Variants in DIP2B observed in about 807,000 individuals in gnomAD.
DIP2B encodes DIP2 acetate--CoA ligase B (putative).
Under a neutral mutation model 198.0 loss-of-function variants are expected in DIP2B, and 76 were observed. The observed-to-expected ratio is 0.38, with a 90% CI of 0.32 to 0.46. The LOEUF (loss-of-function observed/expected upper bound fraction) is 0.46. Among genes scored for constraint, DIP2B ranks in the 20% least tolerant of loss-of-function variants. The pLI is 0.99. For synonymous variants in DIP2B, 701 were observed against 739.1 expected (o/e 0.95, Z 0.84); for missense variants, 1,559 against 1,978.4 (o/e 0.79, Z 4.02).
Position 50,734,153 on chromosome 12 carries a change from C to G in DIP2B, c.4000C>G (p.Pro1334Ala). ...TCTTTAGGGAACCTCAGGGCCTGAT[C>G]CGACTACTGTGTATGTGGATCTGAA... The part of the protein sequence containing the change: ...ICLQGTSGPD[P>A]TTVYVDLKSL... Residue 1334 changes from proline to alanine, a missense_variant, in exon 33 of 38, where the codon CCG becomes GCG. Coordinates refer to ENST00000301180, the MANE Select transcript of DIP2B (RefSeq NM_173602.3). The G allele has an allele frequency of 6.2e-7, 1 of 1,614,156 alleles. No homozygotes were observed. Among genetic ancestry groups the G allele is most frequent in the Non-Finnish European group, 8.5e-7 (1 of 1,180,020 alleles).
chr12:50,556,781 C>T (rs1426029793), intron 1 of DIP2B, among the ~76,000 whole-genome samples: 4 of 152,104 alleles, frequency 2.6e-5, no homozygotes, highest in East Asian at 1.9e-4. Context: ...GTGATCTTGG[C>T]TCACTGCAAC....
In DIP2B at chr12:50,666,671, T is replaced by C. The variant is rs534299223; in HGVS notation, c.428-4515T>C. Among the ~76,000 whole-genome samples the C allele has an allele frequency of 6.6e-5, 10 of 152,240 alleles. No individual in the cohort carries two copies. The East Asian group carries it at 1.7e-3, about 27-fold the overall frequency. On this transcript the variant is annotated intron_variant, in intron 4 of 37. Coordinates refer to ENST00000301180, the MANE Select transcript of DIP2B (RefSeq NM_173602.3). ...GGTTGCAAGCTGGAATTAAGATCCC[T>C]GGAGGGACTTGCATCTTTAGCAGTT...
intron 3 of DIP2B, among the ~76,000 whole-genome samples, chr12:50,654,821 A>G (rs1593690989): frequency 6.6e-6 from 1 of 152,202 alleles, no homozygotes; most frequent in African/African-American, 2.4e-5. Flanking sequence ...AAACTATACT[A>G]GGATATGAAT....
rs561818378 is a variant in DIP2B, at chr12:50,649,804, C to T, written c.301+8952C>T. Among the ~76,000 whole-genome samples, 12 of 151,982 alleles carry T rather than the reference C, an allele frequency of 7.9e-5. No individual in the cohort carries two copies. The South Asian group carries it at 2.3e-3, about 29-fold the overall frequency. On this transcript the variant is annotated intron_variant, in intron 3 of 37. Transcript: ENST00000301180. ...CTAGGAGGTGGAGGCTGCTGTGAGCCGAGATTGTGCCACTGCAATCCGGCC... is the reference window on the plus strand; with the variant it reads ...CTAGGAGGTGGAGGCTGCTGTGAGCTGAGATTGTGCCACTGCAATCCGGCC...
At chr12:50,740,511 G>C (rs1250273401) in intron 36 of DIP2B, among the ~76,000 whole-genome samples, 33 of 152,204 alleles carry the variant, frequency 2.2e-4, no homozygotes, top group Admixed American at 2.2e-3. Flanking sequence ...TGGCACACAG[G>C]AAGCACCCAT....
chr12:50,597,751 C>T (rs528788187), intron 1 of DIP2B, among the ~76,000 whole-genome samples: 3 of 152,168 alleles, frequency 2.0e-5, no homozygotes, highest in Non-Finnish European at 4.4e-5. Flanking sequence ...GCCGAAACAA[C>T]AGAGTGCTTT....
intron 2 of DIP2B, among the ~76,000 whole-genome samples, chr12:50,632,247 G>A (rs1938069862): frequency 6.6e-6 from 1 of 151,912 alleles, no homozygotes; most frequent in African/African-American, 2.4e-5. Flanking sequence ...GGCACTTTGG[G>A]AGGCCGAGGT....
chr12:50,653,328 CTTTTTTTTTTTTCTTTTCTTT>C lies in DIP2B; in HGVS notation c.302-6853_302-6833del, dbSNP rs1395695052. Among the ~76,000 whole-genome samples the C allele has an allele frequency of 6.9e-5, 8 of 116,310 alleles. No homozygotes were observed. The South Asian group carries it at 1.6e-3, about 24-fold the overall frequency. The allele number at this position is 116,310 out of a possible 152,430, so 76.3% of individuals were successfully genotyped here. On this transcript the variant is annotated intron_variant, in intron 3 of 37. Transcript: ENST00000301180. The stretch of plus-strand genomic sequence containing the variant: ...TAATGATTCATAGTAGTCTTTCTTT[CTTTTTTTTTTTTCTTTTCTTT>C]TTTTTTTTTTTTTTTTAAGAACTCT...
At chr12:50,741,288 C>G (rs1309986747) in intron 36 of DIP2B, 128 bp from the exon 37 acceptor site, 2 of 1,152,824 alleles carry the variant, frequency 1.7e-6, no homozygotes, top group Admixed American at 6.0e-5. Context: ...AGGAATTTGC[C>G]CAGAGTTACA....
chr12:50,690,837 C>T (rs968456527), intron 12 of DIP2B, among the ~76,000 whole-genome samples: 1 of 152,138 alleles, frequency 6.6e-6, no homozygotes, highest in African/African-American at 2.4e-5. Context: ...GTCTTTTTCA[C>T]ATATATTTTT....
chr12:50,678,651 T>C (rs1353153385), intron 7 of DIP2B, 28 bp from the exon 8 acceptor site: 1 of 1,604,234 alleles, frequency 6.2e-7, no homozygotes, highest in African/African-American at 1.3e-5. Flanking sequence ...TTGTACTCAT[T>C]TCACTCATTG....
intron 1 of DIP2B, among the ~76,000 whole-genome samples, chr12:50,568,065 C>G (rs1367244757): frequency 1.3e-5 from 2 of 152,034 alleles, no homozygotes; most frequent in Non-Finnish European, 2.9e-5. Flanking sequence ...GTTCAGATCT[C>G]GAGTTTGTTC....
chr12:50,674,387 TTC>T, intron 5 of DIP2B, 85 bp from the exon 6 acceptor site: 19 of 1,461,370 alleles, frequency 1.3e-5, no homozygotes, highest in Non-Finnish European at 1.8e-5. Flanking sequence ...TGTACTTTTC[TTC>T]CTTGTTAAAA....
At chr12:50,597,242 G>A (rs1383984324) in intron 1 of DIP2B, among the ~76,000 whole-genome samples, 1 of 152,162 alleles carries the variant, frequency 6.6e-6, no homozygotes, top group East Asian at 1.9e-4. Flanking sequence ...GCACATGTTG[G>A]AATGGGGAAA....
At chr12:50,649,870 A>G (rs1326636090) in intron 3 of DIP2B, among the ~76,000 whole-genome samples, 1 of 152,026 alleles carries the variant, frequency 6.6e-6, no homozygotes, top group African/African-American at 2.4e-5. Context: ...AAAAAAGTAT[A>G]AACTTCAAAA....
chr12:50,713,787 A>T (rs184159933), intron 22 of DIP2B, among the ~76,000 whole-genome samples: 31 of 70,762 alleles, frequency 4.4e-4, no homozygotes, highest in Non-Finnish European at 7.4e-4. Flanking sequence ...AAGAGAGAAC[A>T]TATTGGCTGG....
At chr12:50,661,399 A>G (rs1369605533) in intron 4 of DIP2B, among the ~76,000 whole-genome samples, 1 of 152,180 alleles carries the variant, frequency 6.6e-6, no homozygotes, top group African/African-American at 2.4e-5. Flanking sequence ...TCCCTGATCC[A>G]GATTAATATT....
intron 11 of DIP2B, among the ~76,000 whole-genome samples, 154 bp downstream of exon 11, chr12:50,686,110 A>G (rs897954923): frequency 2.0e-5 from 3 of 152,220 alleles, no homozygotes; most frequent in Non-Finnish European, 4.4e-5. Context: ...CCCATTTTAC[A>G]AGTGAGGAAA....
At chr12:50,598,207 A>T (rs1958895204) in intron 1 of DIP2B, among the ~76,000 whole-genome samples, 2 of 152,202 alleles carry the variant, frequency 1.3e-5, no homozygotes. Flanking sequence ...ATTTATAAAA[A>T]CTGGGTTAGC....
Sources: allele counts gnomAD v4.1 joint callset (sites outside exome capture counted in the v4.1 genomes callset), GRCh38; gene constraint gnomAD v4.1.1; transcripts MANE v1.5; gene names NCBI Gene and HGNC (gene_info 2026-07-23, HGNC 2026-07-21).